Variants in FLNB observed in about 807,000 individuals in gnomAD.
FLNB encodes filamin-B.
Under a neutral mutation model 250.6 loss-of-function variants are expected in FLNB, and 111 were observed. The ratio of observed to expected loss-of-function variants is 0.44; its 90% CI spans 0.38 to 0.52. FLNB has a LOEUF of 0.52. Ranked by LOEUF, FLNB falls within the 20% of genes least tolerant of loss-of-function variation. FLNB has a pLI of 0.00. For synonymous variants in FLNB, 1,302 were observed against 1,372.1 expected, an observed-to-expected ratio of 0.95 and a Z score of 1.13; for missense variants, 2,869 against 3,447.8, an observed-to-expected ratio of 0.83 and a Z score of 4.20.
Position 58,141,025 on chromosome 3 carries a change from G to A in FLNB, c.5110-833G>A, listed in dbSNP as rs1463045217. ...CAGTTTGGGAGGCCAAGGTGAGAGGGTTGCTGGATCCCAGGAGTTTAAGAC... is the reference window on the plus strand; with the variant it reads ...CAGTTTGGGAGGCCAAGGTGAGAGGATTGCTGGATCCCAGGAGTTTAAGAC... On this transcript the variant is annotated intron_variant, in intron 29 of 45. Transcript: ENST00000295956. 2.0e-5 allele frequency among the ~76,000 whole-genome samples: 3 copies of A among 152,100 alleles called. No individual in the cohort carries two copies. The East Asian group carries it at 5.8e-4, about 29-fold the overall frequency.
intron 1 of FLNB, among the ~76,000 whole-genome samples, chr3:58,043,347 C>T (rs1197359617): frequency 6.6e-6 from 1 of 151,802 alleles, no homozygotes; most frequent in African/African-American, 2.4e-5. Context: ...GTTGACCAGG[C>T]TGGTAATTTG....
chr3:58,054,085 G>A (rs960312266), intron 1 of FLNB, among the ~76,000 whole-genome samples: 7 of 152,184 alleles, frequency 4.6e-5, no homozygotes, highest in African/African-American at 1.7e-4. Flanking sequence ...GGAAGTGCAG[G>A]AGTGTGAGAG....
chr3:58,125,521 A>G, intron 22 of FLNB, 60 bp from the exon 23 acceptor site: 1 of 1,582,736 alleles, frequency 6.3e-7, no homozygotes, highest in Admixed American at 1.7e-5. Flanking sequence ...GTAGAGAATC[A>G]TTTTTCACAA....
intron 1 of FLNB, among the ~76,000 whole-genome samples, chr3:58,009,062 A>ATCCG (rs1481514759): frequency 2.3e-4 from 35 of 152,158 alleles, no homozygotes; most frequent in African/African-American, 8.2e-4. Flanking sequence ...GCTCCCCGCC[A>ATCCG]TCCGCCCCAG....
chr3:58,126,669 GACA>G lies in FLNB; in HGVS notation c.4134_4136del (p.Asn1378del). 3.7e-6 allele frequency: 6 copies of G among 1,613,700 alleles called. No homozygotes were observed. Among genetic ancestry groups the G allele is most frequent in the Non-Finnish European group, 5.1e-6 (6 of 1,179,612 alleles). Reference sequence around the variant, plus strand: ...ATCAGAGTCGAAGATAAATTGCAGAGACAACAAGGATGGCAGCTGCAGTGCTGA... The same window carrying G: ...ATCAGAGTCGAAGATAAATTGCAGAGACAAGGATGGCAGCTGCAGTGCTGA... On this transcript the variant is annotated inframe_deletion, in exon 24 of 46. Coordinates refer to ENST00000295956, the MANE Select transcript of FLNB (RefSeq NM_001457.4).
intron 43 of FLNB, among the ~76,000 whole-genome samples, chr3:58,166,820 TA>T (rs34096220): frequency 3.4e-5 from 5 of 147,784 alleles, no homozygotes; most frequent in Admixed American, 6.7e-5. Context: ...AGACTTTATC[TA>T]AAAAAAAAAA....
intron 18 of FLNB, among the ~76,000 whole-genome samples, chr3:58,114,842 T>A (rs1320324127): frequency 6.6e-6 from 1 of 152,150 alleles, no homozygotes; most frequent in African/African-American, 2.4e-5. Flanking sequence ...TGCTTATTGG[T>A]CCTTTGCATA....
chr3:58,145,506 A>G (rs1366909663), intron 32 of FLNB, among the ~76,000 whole-genome samples: 1 of 152,154 alleles, frequency 6.6e-6, no homozygotes, highest in Non-Finnish European at 1.5e-5. Flanking sequence ...GGCAGAGAAG[A>G]CCACTGTGGG....
rs1452670299 is a variant in FLNB, at chr3:58,087,477, G to A, written c.787+5701G>A. Among the ~76,000 whole-genome samples the A allele has an allele frequency of 1.1e-4, 17 of 151,640 alleles. No individual in the cohort carries two copies. The South Asian group carries it at 1.7e-3, about 15-fold the overall frequency. On this transcript the variant is annotated intron_variant, in intron 4 of 45. Transcript: ENST00000295956. ...TGTAATTCTTTTTTTTTTTTGAGAC[G>A]GAGTCTCACTCTGTCGCCCAGGCTG...
At chr3:58,057,206 G>A (rs2097171920) in intron 1 of FLNB, among the ~76,000 whole-genome samples, 1 of 152,064 alleles carries the variant, frequency 6.6e-6, no homozygotes, top group Non-Finnish European at 1.5e-5. Flanking sequence ...GAACTCCTGA[G>A]CTCAAGCAAT....
At chr3:58,121,114 C>T (rs995618722) in intron 19 of FLNB, 127 bp from the exon 20 acceptor site, 5 of 1,166,576 alleles carry the variant, frequency 4.3e-6, no homozygotes, top group South Asian at 1.2e-5. Context: ...TCCTCTGCAG[C>T]AGCTGTTGCT....
At chr3:58,100,371 A>ATATATATATATATATATATATATAT (rs1273706014) in intron 8 of FLNB, among the ~76,000 whole-genome samples, 7 of 25,246 alleles carry the variant, frequency 2.8e-4, no homozygotes, top group South Asian at 2.1e-3. Context: ...ATGTAAAAAA[A>ATATATATATATATATATATATATAT]AAATATATAT....
chr3:58,150,477 T>C (rs1476256315), intron 38 of FLNB: 2 of 555,710 alleles, frequency 3.6e-6, no homozygotes, highest in East Asian at 3.2e-5. Flanking sequence ...TTGTGTCACA[T>C]GGGGGAAACG....
intron 43 of FLNB, chr3:58,163,564 G>C (rs1351716421): frequency 5.4e-6 from 3 of 556,178 alleles, no homozygotes; most frequent in Non-Finnish European, 6.4e-6. Context: ...ATTACTGTTA[G>C]TTGTGATTCA....
chr3:58,049,262 A>T (rs964071233), intron 1 of FLNB, among the ~76,000 whole-genome samples: 3 of 152,072 alleles, frequency 2.0e-5, no homozygotes, highest in Admixed American at 1.3e-4. Flanking sequence ...CTTCTCGGGG[A>T]TGGCCACCAT....
In FLNB at chr3:58,031,608, G is replaced by GTGGCCTGATAA. The variant is rs1190712700; in HGVS notation, c.292+22757_292+22767dup. Among the ~76,000 whole-genome samples the GTGGCCTGATAA allele has an allele frequency of 2.2e-5, 3 of 138,570 alleles. No individual in the cohort carries two copies. In the East Asian group the frequency reaches 6.5e-4, roughly 30 times the overall value. The allele number at this position is 138,570 out of a possible 152,430, so 90.9% of individuals were successfully genotyped here. ...GCCCTGTTGGCCAGGCTGCAGTGCA[G>GTGGCCTGATAA]TGGCCTGATAATGGCTCACTGCAGC... On this transcript the variant is annotated intron_variant, in intron 1 of 45. Transcript: ENST00000295956.
chr3:58,067,632 T>C (rs1576662064), intron 1 of FLNB, among the ~76,000 whole-genome samples: 1 of 151,084 alleles, frequency 6.6e-6, no homozygotes, highest in African/African-American at 2.4e-5. Context: ...AATCTCGCTC[T>C]GTCGCCCAGG....
intron 1 of FLNB, among the ~76,000 whole-genome samples, chr3:58,009,617 G>A (rs1298913517): frequency 1.3e-5 from 2 of 152,122 alleles, no homozygotes; most frequent in Admixed American, 6.5e-5. Flanking sequence ...AGTTATCTCC[G>A]TCCCTACGCA....
At chr3:58,072,279 C>G (rs2097195713) in intron 1 of FLNB, among the ~76,000 whole-genome samples, 1 of 151,986 alleles carries the variant, frequency 6.6e-6, no homozygotes, top group Non-Finnish European at 1.5e-5. Context: ...CAATTCCAAC[C>G]CACTGAAATC....
Sources: gnomAD v4.1 joint callset for allele counts (sites outside exome capture counted in the v4.1 genomes callset) on GRCh38, gnomAD v4.1.1 for gene constraint, MANE v1.5 for transcripts, NCBI Gene and HGNC (gene_info 2026-07-23, HGNC 2026-07-21) for gene names.